The following SGCZ variants were observed in gnomAD, a reference collection of about 807,000 sequenced individuals.
The protein encoded by SGCZ is sarcoglycan zeta.
In SGCZ, 40 loss-of-function variants were observed where a neutral mutation model predicts 41.3. The ratio of observed to expected loss-of-function variants is 0.97; its 90% confidence interval spans 0.75 to 1.26. The LOEUF is 1.26. Among genes scored for constraint, SGCZ ranks in the 50% most tolerant of loss-of-function variants. The pLI is 0.00. For missense variants in SGCZ, 552 were observed against 369.8 expected, an observed-to-expected ratio of 1.49 and a Z score of -4.04; for synonymous variants, 206 against 137.5, an observed-to-expected ratio of 1.50 and a Z score of -3.49.
At chr8:14,473,273 A>C (rs1321919071) in intron 2 of SGCZ, among the ~76,000 whole-genome samples, 1 of 152,146 alleles carries the variant, frequency 6.6e-6, no homozygotes, top group Non-Finnish European at 1.5e-5. Flanking sequence ...TAAAATTGTA[A>C]CTATTTTCAC....
intron 1 of SGCZ, among the ~76,000 whole-genome samples, chr8:14,634,240 T>A (rs904344404): frequency 2.6e-5 from 4 of 151,904 alleles, no homozygotes; most frequent in African/African-American, 4.8e-5. Context: ...TAGATTTGTG[T>A]CCATAGTATC....
At chr8:14,494,956 T>A (rs1801948394) in intron 2 of SGCZ, among the ~76,000 whole-genome samples, 1 of 152,216 alleles carries the variant, frequency 6.6e-6, no homozygotes, top group Non-Finnish European at 1.5e-5. Flanking sequence ...TTTTTCCCAT[T>A]GAATTTAAAG....
intron 2 of SGCZ, among the ~76,000 whole-genome samples, chr8:14,448,312 A>C (rs1800493491): frequency 6.6e-6 from 1 of 152,206 alleles, no homozygotes; most frequent in South Asian, 2.1e-4. Context: ...CATGGCAGAA[A>C]CTTTTCTGAT....
intron 2 of SGCZ, among the ~76,000 whole-genome samples, chr8:14,462,792 C>G (rs568020187): frequency 1.3e-5 from 2 of 151,872 alleles, no homozygotes; most frequent in South Asian, 4.1e-4. Context: ...CGCATTGAAT[C>G]TGTAGATCAT....
chr8:14,085,784 C>G lies in SGCZ; in HGVS notation c.*4659G>C, dbSNP rs192372434. Among the ~76,000 whole-genome samples, 100 of 151,846 alleles carry G rather than the reference C, an allele frequency of 6.6e-4. No individual in the cohort carries two copies. The highest frequency in any genetic ancestry group is 1.1e-3 in the Non-Finnish European group (76 of 67,776). ...TTTCCCTTCTGAAACAAAAGCATTC[C>G]TTAATTTATACAACTCAGGATCCTC... On this transcript the variant is annotated 3_prime_UTR_variant, in exon 8 of 8. Coordinates refer to ENST00000382080, the MANE Select transcript of SGCZ (RefSeq NM_139167.4).
At chr8:14,408,889 T>C (rs1241988095) in intron 2 of SGCZ, among the ~76,000 whole-genome samples, 1 of 152,182 alleles carries the variant, frequency 6.6e-6, no homozygotes, top group Non-Finnish European at 1.5e-5. Flanking sequence ...ATTCTTTTTA[T>C]TCTCTTTTAT....
At chr8:14,207,512 C>G (rs1300936488) in intron 4 of SGCZ, among the ~76,000 whole-genome samples, 2 of 152,082 alleles carry the variant, frequency 1.3e-5, no homozygotes, top group East Asian at 3.9e-4. Flanking sequence ...AAATGCTAGT[C>G]TAGTCAACAT....
intron 1 of SGCZ, among the ~76,000 whole-genome samples, chr8:15,015,882 T>C (rs1322054299): frequency 1.3e-5 from 2 of 151,930 alleles, no homozygotes; most frequent in Non-Finnish European, 2.9e-5. Context: ...TTTCATGGTC[T>C]TAATTTTCTG....
intron 1 of SGCZ, among the ~76,000 whole-genome samples, chr8:14,798,116 C>A (rs1203520239): frequency 6.6e-6 from 1 of 152,174 alleles, no homozygotes; most frequent in African/African-American, 2.4e-5. Flanking sequence ...AAATACTATC[C>A]CTGTTTTCAA....
intron 6 of SGCZ, among the ~76,000 whole-genome samples, chr8:14,106,875 T>C (rs1352198049): frequency 6.6e-6 from 1 of 152,170 alleles, no homozygotes; most frequent in Non-Finnish European, 1.5e-5. Context: ...TTAGCTATCA[T>C]AAATTAATTA....
Position 14,465,482 on chromosome 8 carries a change from T to C in SGCZ, c.234+89250A>G, listed in dbSNP as rs186483151. 3.8e-3 allele frequency among the ~76,000 whole-genome samples: 578 copies of C among 151,734 alleles called. 12 individuals are homozygous for C. The highest frequency in any genetic ancestry group is 0.029 in the Admixed American group (443 of 15,208). Reference sequence around the variant, plus strand: ...TCCTGTACAGTTGCATCATTTTTAATCCATGTACATTTAAGTAATTACTGA... The same window carrying C: ...TCCTGTACAGTTGCATCATTTTTAACCCATGTACATTTAAGTAATTACTGA... On this transcript the variant is annotated intron_variant, in intron 2 of 7. Transcript: ENST00000382080.
At chr8:14,726,123 G>C (rs1174189818) in intron 1 of SGCZ, among the ~76,000 whole-genome samples, 2 of 151,350 alleles carry the variant, frequency 1.3e-5, no homozygotes, top group African/African-American at 2.4e-5. Flanking sequence ...GCCAGGCGTG[G>C]TGGCACGCAC....
At chr8:15,206,506 A>AG (rs139492519) in intron 1 of SGCZ, among the ~76,000 whole-genome samples, 8,143 of 149,722 alleles carry the variant, frequency 0.054, 252 homozygotes, top group South Asian at 0.072. Context: ...GCTGCAGTAC[A>AG]TGGCACCATC....
intron 1 of SGCZ, among the ~76,000 whole-genome samples, chr8:15,172,247 C>T (rs935010613): frequency 3.5e-5 from 5 of 143,328 alleles, no homozygotes; most frequent in South Asian, 4.4e-4. Flanking sequence ...CTGCAAGCTC[C>T]GCCTCCCGGG....
chr8:14,167,663 A>C (rs1804249644), intron 4 of SGCZ, among the ~76,000 whole-genome samples: 1 of 152,188 alleles, frequency 6.6e-6, no homozygotes, highest in Non-Finnish European at 1.5e-5. Context: ...TATATGTGCA[A>C]ATATTTTCTC....
At chr8:14,975,738 G>C (rs1801447011) in intron 1 of SGCZ, among the ~76,000 whole-genome samples, 1 of 150,162 alleles carries the variant, frequency 6.7e-6, no homozygotes, top group South Asian at 2.1e-4. Flanking sequence ...GAAATAGTAT[G>C]TTTTTACCTT....
At position 14,585,245 on chromosome 8, in the gene SGCZ, C is replaced by A. The variant is rs539744107; in HGVS notation, c.40-30319G>T. 1.7e-3 allele frequency among the ~76,000 whole-genome samples: 261 copies of A among 152,248 alleles called. 5 individuals carry two copies. The highest frequency in any genetic ancestry group is 0.015 in the South Asian group (73 of 4,826). On this transcript the variant is annotated intron_variant, in intron 1 of 7. Coordinates refer to ENST00000382080, the MANE Select transcript of SGCZ (RefSeq NM_139167.4). ...TCTGGTTCTCTAGTTATTTTCCCCA[C>A]TTAAATATAAAAACTTCAGACTGTT... is the stretch of plus-strand genomic sequence containing the variant.
chr8:14,909,400 C>T (rs1364602687), intron 1 of SGCZ, among the ~76,000 whole-genome samples: 2 of 151,952 alleles, frequency 1.3e-5, no homozygotes, highest in Non-Finnish European at 2.9e-5. Context: ...CGTGTTTTAA[C>T]GTTACAACGT....
chr8:14,532,758 G>T (rs1382027161), intron 2 of SGCZ, among the ~76,000 whole-genome samples: 2 of 150,648 alleles, frequency 1.3e-5, no homozygotes, highest in Non-Finnish European at 3.0e-5. Context: ...TACAATAAGT[G>T]AAAAAGAAGA....
Sources: gnomAD v4.1 joint callset for allele counts (sites outside exome capture counted in the v4.1 genomes callset) on GRCh38, gnomAD v4.1.1 for gene constraint, MANE v1.5 for transcripts, NCBI Gene and HGNC (gene_info 2026-07-23, HGNC 2026-07-21) for gene names.